ITFG2: variants seen among roughly 807,000 people sequenced by gnomAD.
The protein encoded by ITFG2 is KICSTOR complex protein ITFG2.
In ITFG2, 36 loss-of-function variants were observed where a neutral mutation model predicts 54.4. That is an observed-to-expected ratio of 0.66 (90% CI 0.51 to 0.87). The LOEUF (loss-of-function observed/expected upper bound fraction) is 0.87. ITFG2 is among the 40% of genes least tolerant of loss of function. ITFG2 has a pLI of 0.00. For synonymous variants in ITFG2, 211 were observed against 225.4 expected (o/e 0.94, Z 0.57); for missense variants, 524 against 576.7 (o/e 0.91, Z 0.94).
Position 2,812,740 on chromosome 12 carries a change from C to A in ITFG2, c.-21C>A, listed in dbSNP as rs375679743. 2 of 1,588,416 alleles carry A rather than the reference C, an allele frequency of 1.3e-6. No homozygotes were observed. The highest frequency in any genetic ancestry group is 1.3e-5 in the African/African-American group (1 of 74,540). ...GGAATATTTACTGGGCCTCTCCGCT[C>A]CCTCTGCTCTTGGAGGTGCCATGAG... On this transcript the variant is annotated 5_prime_UTR_variant, in exon 1 of 12. Coordinates refer to ENST00000228799, the MANE Select transcript of ITFG2 (RefSeq NM_018463.4).
At chr12:2,854,104 C>T (rs570744285) in intron 2 of ITFG2, among the ~76,000 whole-genome samples, 2 of 152,336 alleles carry the variant, frequency 1.3e-5, no homozygotes, top group South Asian at 4.2e-4. Context: ...TGGCTCACTG[C>T]AACCTCCGCC....
At chr12:2,820,324 G>T in intron 5 of ITFG2, 99 bp downstream of exon 5, 2 of 1,395,876 alleles carry the variant, frequency 1.4e-6, no homozygotes, top group Non-Finnish European at 1.9e-6. Flanking sequence ...GGCCAGGGTG[G>T]GGAGAAGTGA....
intron 2 of ITFG2, chr12:2,854,987 T>A: frequency 6.5e-7 from 1 of 1,536,232 alleles, no homozygotes; most frequent in Non-Finnish European, 8.7e-7. Flanking sequence ...TCCACCTCCT[T>A]CAACTCCTTC....
chr12:2,850,486 A>AAG (rs1181997153), intron 2 of ITFG2, among the ~76,000 whole-genome samples: 5 of 150,748 alleles, frequency 3.3e-5, no homozygotes, highest in Non-Finnish European at 7.4e-5. Flanking sequence ...AAAAAAAAAA[A>AAG]AAAAAAAAAT....
intron 2 of ITFG2, among the ~76,000 whole-genome samples, chr12:2,852,249 T>A (rs1470543477): frequency 6.6e-6 from 1 of 152,158 alleles, no homozygotes; most frequent in Non-Finnish European, 1.5e-5. Context: ...GAGACAAGGA[T>A]CCTACTGTCA....
chr12:2,835,903 C>T (rs540013557), upstream of ITFG2, among the ~76,000 whole-genome samples: 15 of 152,296 alleles, frequency 9.8e-5, no homozygotes, highest in South Asian at 4.1e-4. Context: ...CTGCAATCTG[C>T]TCTTTTTTGC....
At chr12:2,817,593 A>C in intron 2 of ITFG2, 1 of 513,474 alleles carries the variant, frequency 1.9e-6, no homozygotes, top group Non-Finnish European at 3.4e-6. Flanking sequence ...TCTAATCTTA[A>C]AGTATAGTCA....
chr12:2,858,757 C>G, intron 3 of ITFG2: 1 of 1,614,194 alleles, frequency 6.2e-7, no homozygotes, highest in Non-Finnish European at 8.5e-7. Context: ...TTCATTGTGT[C>G]CAGGACCAGG....
chr12:2,824,039 C>T (rs776805118), intron 11 of ITFG2, 51 bp from the exon 12 acceptor site: 7 of 1,613,574 alleles, frequency 4.3e-6, no homozygotes, highest in East Asian at 2.2e-5. Flanking sequence ...GCCAGTGGCC[C>T]GGGTGCCCAG....
At position 2,812,885 on chromosome 12, in the gene ITFG2, C is replaced by T; in HGVS notation, c.96+29C>T. 4 of 1,577,740 alleles carry T rather than the reference C, an allele frequency of 2.5e-6. No homozygotes were observed. The South Asian group carries it at 3.3e-5, about 13-fold the overall frequency. On this transcript the variant is annotated intron_variant, in intron 1 of 11. Coordinates refer to ENST00000228799, the MANE Select transcript of ITFG2 (RefSeq NM_018463.4). ...GGTGCATGCGCACCGCAAGAGACAG[C>T]CTGGATCTGTGCAGGGACGGGGCAA...
At chr12:2,836,481 G>A (rs11062373), upstream of ITFG2, among the ~76,000 whole-genome samples, 49,811 of 152,114 alleles carry the variant, frequency 0.33, 9,176 homozygotes, top group East Asian at 0.49. Flanking sequence ...CCAGATGTCT[G>A]CTGAGCTTCT....
chr12:2,819,991 T>C (rs1603482951), intron 4 of ITFG2, 95 bp from the exon 5 acceptor site: 4 of 1,466,388 alleles, frequency 2.7e-6, no homozygotes, highest in Non-Finnish European at 3.6e-6. Context: ...GCAGATCGGG[T>C]GTGAAGCCGC....
chr12:2,839,840 A>G (rs2098036751), intron 1 of ITFG2, among the ~76,000 whole-genome samples: 1 of 152,204 alleles, frequency 6.6e-6, no homozygotes, highest in African/African-American at 2.4e-5. Context: ...ATCCTAAGCA[A>G]ATTAACACAG....
Position 2,845,198 on chromosome 12 carries a change from G to A in ITFG2, n.300+4203G>A, listed in dbSNP as rs922270828. ...AGGGGCTCCCAGCAAGTGAGGCAGCGATGAGTTGGAATGAAGGCTGGAGGG... is the reference window on the plus strand; with the variant it reads ...AGGGGCTCCCAGCAAGTGAGGCAGCAATGAGTTGGAATGAAGGCTGGAGGG... On this transcript the variant is annotated intron_variant and non_coding_transcript_variant, in intron 2 of 3. Coordinates refer to the ITFG2 transcript ENST00000537710. The surrounding 1 kb of genome is among the most constrained non-coding windows in gnomAD (Gnocchi z 4.2). Among the ~76,000 whole-genome samples, 2 of 152,158 alleles carry A rather than the reference G, an allele frequency of 1.3e-5. No homozygotes were observed. Among genetic ancestry groups the A allele is most frequent in the African/African-American group, 4.8e-5 (2 of 41,442 alleles).
Position 2,830,761 on chromosome 12 carries a change from T to A in ITFG2, c.*60-73T>A, listed in dbSNP as rs749448544. 1.7e-5 allele frequency: 28 copies of A among 1,613,740 alleles called. No homozygotes were observed. In the South Asian group the frequency reaches 3.0e-4, roughly 17 times the overall value. On this transcript the variant is annotated intron_variant and NMD_transcript_variant, in intron 2 of 2. Transcript: ENST00000538822. ...TCTGTCCTGCTGGTCTTCCTCCTGC[T>A]CTCCTGGCCATGAATCAGGTCCTGC...
intron 2 of ITFG2, chr12:2,849,216 C>T: frequency 1.0e-5 from 16 of 1,529,926 alleles, no homozygotes; most frequent in Non-Finnish European, 1.4e-5. Flanking sequence ...ACGATCGTCC[C>T]CTCTGGAAGC....
At chr12:2,823,521 G>C (rs1000748645) in intron 10 of ITFG2, among the ~76,000 whole-genome samples, 3 of 152,182 alleles carry the variant, frequency 2.0e-5, no homozygotes, top group Admixed American at 6.5e-5. Context: ...GCAATAAATA[G>C]CACCTTTTTG....
chr12:2,831,176 C>T (rs1340616676), downstream of ITFG2, among the ~76,000 whole-genome samples: 1 of 151,834 alleles, frequency 6.6e-6, no homozygotes, highest in Admixed American at 6.6e-5. Context: ...GAAGTTTTGT[C>T]TCAAACTTAC....
chr12:2,857,079 G>C (rs28919879), intron 2 of ITFG2: 2 of 702,738 alleles, frequency 2.8e-6, no homozygotes, highest in Non-Finnish European at 5.2e-6. Flanking sequence ...GCCCTTTCTG[G>C]CACCATTGTT....
Sources: allele counts gnomAD v4.1 joint callset (sites outside exome capture counted in the v4.1 genomes callset), GRCh38; gene constraint gnomAD v4.1.1; non-coding constraint Gnocchi (gnomAD v3.1); transcripts MANE v1.5; gene names NCBI Gene and HGNC (gene_info 2026-07-23, HGNC 2026-07-21).